The following CPN1 variants were observed in gnomAD, a reference collection of about 807,000 sequenced individuals.
CPN1 encodes carboxypeptidase N subunit 1.
In CPN1, 37 loss-of-function variants were observed where a neutral mutation model predicts 46.4. The observed-to-expected ratio is 0.80, with a 90% confidence interval of 0.61 to 1.05. The LOEUF (loss-of-function observed/expected upper bound fraction) is 1.05. Ranked by LOEUF, CPN1 falls within the 50% of genes least tolerant of loss-of-function variation. The pLI is 0.00. For missense variants in CPN1, 563 were observed against 602.6 expected (o/e 0.93, Z 0.69); for synonymous variants, 224 against 235.4 (o/e 0.95, Z 0.44).
Position 100,080,085 on chromosome 10 carries a change from CAAAAAAA to C in CPN1, c.223+1311_223+1317del, listed in dbSNP as rs34214082. Among the ~76,000 whole-genome samples, 3 of 124,758 alleles carry C rather than the reference CAAAAAAA, an allele frequency of 2.4e-5. No individual in the cohort carries two copies. The South Asian group carries it at 8.0e-4, about 33-fold the overall frequency. The allele number at this position is 124,758 out of a possible 152,430, so 81.8% of individuals were successfully genotyped here. A position where few individuals can be genotyped will look rare whatever the true frequency, so the allele number is the denominator to read the frequency against. ...TGGGCAACAGAGTGAGACTCCATCT[CAAAAAAA>C]AAAAAAAATGAAGTTAGAAACCAGT... On this transcript the variant is annotated intron_variant, in intron 1 of 8. Coordinates refer to ENST00000370418, the MANE Select transcript of CPN1 (RefSeq NM_001308.3).
At chr10:100,068,862 G>T (rs2041469222) in intron 3 of CPN1, among the ~76,000 whole-genome samples, 1 of 138,624 alleles carries the variant, frequency 7.2e-6, no homozygotes, top group Non-Finnish European at 1.7e-5. Flanking sequence ...ATAGCTAATT[G>T]TTGGTAAGCA....
intron 3 of CPN1, among the ~76,000 whole-genome samples, chr10:100,068,008 CA>C (rs563400752): frequency 6.0e-4 from 91 of 151,684 alleles, no homozygotes; most frequent in Middle Eastern, 3.4e-3. Flanking sequence ...AAAAATTGGC[CA>C]GGGGTGGTGG....
chr10:100,044,416 C>T (rs899450443), intron 8 of CPN1, among the ~76,000 whole-genome samples: 3 of 152,160 alleles, frequency 2.0e-5, no homozygotes, highest in Admixed American at 2.0e-4. Context: ...ACTCTGTCAT[C>T]CAGGCTGGAG....
chr10:100,042,647 GGGT>G (rs1378974891), intron 8 of CPN1, 74 bp from the exon 9 acceptor site: 2 of 1,580,742 alleles, frequency 1.3e-6, no homozygotes, highest in Admixed American at 3.4e-5. Context: ...TCTGAGGGCT[GGGT>G]ACTAGGGAAA....
intron 7 of CPN1, among the ~76,000 whole-genome samples, chr10:100,051,532 AT>A (rs879599755): frequency 4.5e-4 from 66 of 147,080 alleles, no homozygotes; most frequent in Admixed American, 6.8e-4. Context: ...ATGAAAAAAA[AT>A]TTTTTTTTTT....
intron 6 of CPN1, among the ~76,000 whole-genome samples, chr10:100,056,564 T>A (rs2041385585): frequency 6.6e-6 from 1 of 152,146 alleles, no homozygotes; most frequent in African/African-American, 2.4e-5. Flanking sequence ...TAATTTTTTT[T>A]GAGAAGGCTC....
chr10:100,045,244 T>C (rs1487318803), intron 8 of CPN1, among the ~76,000 whole-genome samples: 1 of 152,202 alleles, frequency 6.6e-6, no homozygotes, highest in Non-Finnish European at 1.5e-5. Flanking sequence ...AAATTGAGTG[T>C]GTTACTCAAG....
In CPN1 at chr10:100,042,306, T is replaced by C; in HGVS notation, c.*121A>G. 7.4e-7 allele frequency: 1 copy of C among 1,347,426 alleles called. No homozygotes were observed. Among genetic ancestry groups the C allele is most frequent in the Non-Finnish European group, 1.1e-6 (1 of 948,216 alleles). 83.5% of individuals were successfully genotyped at this position (1,347,426 alleles called of 1,614,324 possible). A position where few individuals can be genotyped will look rare whatever the true frequency, so the allele number is the denominator to read the frequency against. On this transcript the variant is annotated 3_prime_UTR_variant, in exon 9 of 9. Transcript: ENST00000370418. ...CCCCTGGAACAGATGGAGACCATTCTGAATTGTTCTGAATATGTTTGTATT... is the reference window on the plus strand; with the variant it reads ...CCCCTGGAACAGATGGAGACCATTCCGAATTGTTCTGAATATGTTTGTATT...
intron 8 of CPN1, among the ~76,000 whole-genome samples, chr10:100,046,148 C>T (rs991861769): frequency 3.3e-5 from 5 of 152,156 alleles, no homozygotes; most frequent in African/African-American, 1.2e-4. Context: ...GAGTAGCTGG[C>T]TTTTTGCGGC....
At chr10:100,055,353 C>CCA (rs2041379523) in intron 6 of CPN1, among the ~76,000 whole-genome samples, 2 of 151,706 alleles carry the variant, frequency 1.3e-5, no homozygotes, top group African/African-American at 4.9e-5. Context: ...CCATTATCCC[C>CCA]CCCCCCAGCC....
chr10:100,050,714 TC>T (rs767811612), intron 7 of CPN1, among the ~76,000 whole-genome samples: 6 of 152,190 alleles, frequency 3.9e-5, no homozygotes, highest in African/African-American at 1.2e-4. Context: ...AACCTTGAAC[TC>T]CCAGACTCAA....
chr10:100,048,657 C>A, intron 8 of CPN1, 101 bp downstream of exon 8: 3 of 877,322 alleles, frequency 3.4e-6, no homozygotes, highest in Non-Finnish European at 5.8e-6. Flanking sequence ...CACAGTGGTG[C>A]CACTGCACTC....
At position 100,065,349 on chromosome 10, in the gene CPN1, C is replaced by A; in HGVS notation, c.598G>T (p.Val200Leu). ...KSQVEPETRA[V>L]IRWMHSFNFV... Reference sequence around the variant, plus strand: ...TTGAAGGAGTGCATCCACCGGATCACCGCCCGGGTCTCGGGTTCCACCTGG... The same window carrying A: ...TTGAAGGAGTGCATCCACCGGATCAACGCCCGGGTCTCGGGTTCCACCTGG... The change falls in exon 4 of 9, where the codon GTG becomes TTG. Residue 200 changes from valine (V) to leucine (L), a missense_variant. Transcript: ENST00000370418. 1 of 1,614,178 alleles carries A rather than the reference C, an allele frequency of 6.2e-7. No individual in the cohort carries two copies. The highest frequency in any genetic ancestry group is 8.5e-7 in the Non-Finnish European group (1 of 1,180,040).
intron 8 of CPN1, among the ~76,000 whole-genome samples, chr10:100,042,796 GT>G (rs1368531662): frequency 2.0e-5 from 3 of 151,754 alleles, no homozygotes; most frequent in African/African-American, 7.3e-5. Flanking sequence ...GATTTTACAT[GT>G]ATTAGAAAAA....
chr10:100,047,823 TAA>T (rs34829005), intron 8 of CPN1, among the ~76,000 whole-genome samples: 1 of 150,980 alleles, frequency 6.6e-6, no homozygotes, highest in Non-Finnish European at 1.5e-5. Flanking sequence ...CCATTTCTAC[TAA>T]AAAAAACCCA....
chr10:100,073,147 C>G (rs867715040), intron 2 of CPN1, among the ~76,000 whole-genome samples: 1 of 152,066 alleles, frequency 6.6e-6, no homozygotes, highest in African/African-American at 2.4e-5. Flanking sequence ...TTTTTAGATC[C>G]TATTGAAAAC....
Position 100,063,744 on chromosome 10 carries a change from G to A in CPN1, c.760-19C>T. 1 of 1,587,476 alleles carries A rather than the reference G, an allele frequency of 6.3e-7. No individual in the cohort carries two copies. Among genetic ancestry groups the A allele is most frequent in the Non-Finnish European group, 8.7e-7 (1 of 1,156,010 alleles). On this transcript the variant is annotated intron_variant, in intron 4 of 8. Coordinates refer to ENST00000370418, the MANE Select transcript of CPN1 (RefSeq NM_001308.3). ...TGGCCAGCTAGAGGAAAAGCAGGAG[G>A]AAAACGACCTTGATGATTCCCAACT... is the stretch of plus-strand genomic sequence containing the variant.
At chr10:100,064,699 A>G (rs1263519139) in intron 4 of CPN1, among the ~76,000 whole-genome samples, 1 of 152,050 alleles carries the variant, frequency 6.6e-6, no homozygotes, top group African/African-American at 2.4e-5. Flanking sequence ...CAAATTTATT[A>G]TATTATGCCA....
chr10:100,071,491 C>T (rs1033374526), intron 2 of CPN1, among the ~76,000 whole-genome samples: 1 of 152,092 alleles, frequency 6.6e-6, no homozygotes, highest in Non-Finnish European at 1.5e-5. Context: ...CATCTCTATT[C>T]GCAAATTTCT....
Sources: allele counts gnomAD v4.1 joint callset (sites outside exome capture counted in the v4.1 genomes callset), GRCh38; gene constraint gnomAD v4.1.1; transcripts MANE v1.5; gene names NCBI Gene and HGNC (gene_info 2026-07-23, HGNC 2026-07-21).